NLGN1: variants seen among roughly 807,000 people sequenced by gnomAD.
The protein encoded by NLGN1 is neuroligin 1.
In NLGN1, 12 loss-of-function variants were observed where a neutral mutation model predicts 65.5. The observed-to-expected ratio is 0.18, with a 90% CI of 0.12 to 0.30. The LOEUF (loss-of-function observed/expected upper bound fraction) is 0.30, where lower values mean the gene tolerates loss of function less well. Ranked by LOEUF, NLGN1 falls within the 10% of genes least tolerant of loss-of-function variation. The pLI is 1.00. For synonymous variants in NLGN1, 350 were observed against 359.5 expected, an observed-to-expected ratio of 0.97 and a Z score of 0.30; for missense variants, 750 against 1,007.1, an observed-to-expected ratio of 0.74 and a Z score of 3.46.
intron 2 of NLGN1, among the ~76,000 whole-genome samples, chr3:173,557,117 C>T (rs1327449262): frequency 6.6e-6 from 1 of 152,084 alleles, no homozygotes; most frequent in African/African-American, 2.4e-5. Context: ...ATTTACTTCT[C>T]CCTGAAATAA....
chr3:174,051,590 G>A (rs1248426038), intron 4 of NLGN1, among the ~76,000 whole-genome samples: 2 of 152,058 alleles, frequency 1.3e-5, no homozygotes, highest in Non-Finnish European at 2.9e-5. Context: ...TTTAGGGATT[G>A]GAGGACATAA....
intron 4 of NLGN1, among the ~76,000 whole-genome samples, chr3:173,951,703 T>G (rs1045339455): frequency 6.6e-6 from 1 of 151,972 alleles, no homozygotes; most frequent in Non-Finnish European, 1.5e-5. Flanking sequence ...CCTCGTGTTC[T>G]GCACACCTCG....
chr3:174,163,783 A>G lies in NLGN1; in HGVS notation c.647-111532A>G, dbSNP rs545956534. ...TGATTTTGTTCTTCTTAATGGCTGC[A>G]TAATATTCCATGGCATATATGTACC... On this transcript the variant is annotated intron_variant, in intron 4 of 6. Coordinates refer to ENST00000457714, the Ensembl canonical transcript of NLGN1. Among the ~76,000 whole-genome samples, 3 of 152,220 alleles carry G rather than the reference A, an allele frequency of 2.0e-5. No individual in the cohort carries two copies. The East Asian group carries it at 5.8e-4, about 29-fold the overall frequency.
At chr3:174,188,571 AAATAGCAAGACCAGG>A (rs1731831392) in intron 4 of NLGN1, among the ~76,000 whole-genome samples, 1 of 152,016 alleles carries the variant, frequency 6.6e-6, no homozygotes, top group Non-Finnish European at 1.5e-5. Context: ...TAAAGCAAAG[AAATAGCAAGACCAGG>A]ATTGAAACCC....
chr3:174,275,715 T>C (rs1211750372), intron 5 of NLGN1, among the ~76,000 whole-genome samples, 188 bp downstream of exon 5: 2 of 151,924 alleles, frequency 1.3e-5, no homozygotes, highest in East Asian at 3.9e-4. Context: ...CTTTGTCTCC[T>C]GTGGAGCTTG....
chr3:173,897,527 G>A (rs1579058564), intron 4 of NLGN1, among the ~76,000 whole-genome samples: 2 of 152,284 alleles, frequency 1.3e-5, no homozygotes, highest in Admixed American at 6.5e-5. Context: ...GCTACTAAGT[G>A]TAGTCTCAGT....
chr3:173,450,248 G>A (rs1311741043), intron 2 of NLGN1, among the ~76,000 whole-genome samples: 1 of 152,066 alleles, frequency 6.6e-6, no homozygotes, highest in Non-Finnish European at 1.5e-5. Flanking sequence ...GCTCTTTTAG[G>A]GCAGGCCTGG....
chr3:174,268,874 T>C (rs932693795), intron 4 of NLGN1, among the ~76,000 whole-genome samples: 1 of 151,950 alleles, frequency 6.6e-6, no homozygotes, highest in East Asian at 1.9e-4. Flanking sequence ...TTAGAACAAA[T>C]TGATAAATAG....
intron 2 of NLGN1, among the ~76,000 whole-genome samples, chr3:173,577,384 T>C (rs1333087852): frequency 1.3e-5 from 2 of 152,232 alleles, no homozygotes. Context: ...CATTGCCTTT[T>C]CTGCTTCATC....
chr3:173,419,925 A>G (rs1431677310), intron 1 of NLGN1, among the ~76,000 whole-genome samples: 4 of 152,056 alleles, frequency 2.6e-5, no homozygotes, highest in African/African-American at 9.7e-5. Flanking sequence ...GTAAGCCGAG[A>G]TCGCACCATT....
At chr3:173,941,185 A>T (rs1309489160) in intron 4 of NLGN1, among the ~76,000 whole-genome samples, 1 of 152,098 alleles carries the variant, frequency 6.6e-6, no homozygotes, top group Non-Finnish European at 1.5e-5. Context: ...CATAGTACAG[A>T]ATCATAATTT....
At chr3:173,871,126 A>G (rs1483436299) in intron 4 of NLGN1, among the ~76,000 whole-genome samples, 11 of 152,172 alleles carry the variant, frequency 7.2e-5, no homozygotes, top group Non-Finnish European at 1.5e-4. Context: ...TACAGGGTTC[A>G]GAGAGTTTCT....
At chr3:173,822,920 T>C (rs890607986) in intron 4 of NLGN1, among the ~76,000 whole-genome samples, 4 of 152,054 alleles carry the variant, frequency 2.6e-5, no homozygotes, top group African/African-American at 7.2e-5. Flanking sequence ...TGTTACAGTC[T>C]TTATATAATA....
intron 4 of NLGN1, among the ~76,000 whole-genome samples, chr3:174,001,640 A>G (rs756936350): frequency 2.6e-5 from 4 of 152,174 alleles, no homozygotes; most frequent in East Asian, 1.9e-4. Flanking sequence ...TTCCTCATCA[A>G]TAGAGTAATA....
chr3:174,266,926 C>T (rs1577697781), intron 4 of NLGN1, among the ~76,000 whole-genome samples: 2 of 151,828 alleles, frequency 1.3e-5, no homozygotes, highest in South Asian at 4.2e-4. Flanking sequence ...AAATAGGTGA[C>T]AATAAAGAAA....
intron 4 of NLGN1, among the ~76,000 whole-genome samples, chr3:173,903,396 T>G (rs1392098492): frequency 1.3e-5 from 2 of 152,100 alleles, no homozygotes; most frequent in Non-Finnish European, 2.9e-5. Flanking sequence ...CCTTTTACCT[T>G]TAGTCATATA....
rs2152894244 is a variant in NLGN1, at chr3:174,280,385, C to G, written c.1650-96C>G. The stretch of plus-strand genomic sequence containing the variant: ...TGTTAAAACACAATCTAAAGCATTG[C>G]TGAGTCATCTATTTAATTATTAGAT... On this transcript the variant is annotated intron_variant, in intron 6 of 6. Coordinates refer to ENST00000457714, the Ensembl canonical transcript of NLGN1. This position sits in a 1 kb window ranked among gnomAD's most constrained non-coding sequence, Gnocchi z 4.9. The G allele has an allele frequency of 1.2e-6, 1 of 821,224 alleles. No individual in the cohort carries two copies. Among genetic ancestry groups the G allele is most frequent in the Middle Eastern group, 2.3e-4 (1 of 4,304 alleles). 50.9% of individuals were successfully genotyped at this position (821,224 alleles called of 1,614,324 possible). A position where few individuals can be genotyped will look rare whatever the true frequency, so the allele number is the denominator to read the frequency against.
intron 4 of NLGN1, among the ~76,000 whole-genome samples, chr3:173,864,297 A>G (rs926852915): frequency 6.6e-6 from 1 of 152,200 alleles, no homozygotes; most frequent in Non-Finnish European, 1.5e-5. Flanking sequence ...ATAGATGTAC[A>G]TATTGGCAAT....
At chr3:173,645,913 G>A (rs1050678156) in intron 3 of NLGN1, among the ~76,000 whole-genome samples, 3 of 152,172 alleles carry the variant, frequency 2.0e-5, no homozygotes, top group African/African-American at 4.8e-5. Flanking sequence ...GATTCTTTGA[G>A]CTTGCTCCTT....
Sources: gnomAD v4.1 joint callset for allele counts (sites outside exome capture counted in the v4.1 genomes callset) on GRCh38, gnomAD v4.1.1 for gene constraint, Gnocchi (gnomAD v3.1) non-coding constraint, MANE v1.5 for transcripts, NCBI Gene and HGNC (gene_info 2026-07-23, HGNC 2026-07-21) for gene names.